CACNA2D1: variants seen among roughly 807,000 people sequenced by gnomAD.
CACNA2D1 encodes voltage-dependent calcium channel subunit alpha-2/delta-1.
In CACNA2D1, 53 loss-of-function variants were observed where a neutral mutation model predicts 171.5. The ratio of observed to expected loss-of-function variants is 0.31; its 90% confidence interval spans 0.25 to 0.39. The LOEUF is 0.39. Among genes scored for constraint, CACNA2D1 ranks in the 10% least tolerant of loss-of-function variants. CACNA2D1 has a pLI of 1.00. For missense variants in CACNA2D1, 903 were observed against 1,299.8 expected (o/e 0.69, Z 4.69); for synonymous variants, 442 against 443.1 (o/e 1.00, Z 0.03).
chr7:82,138,351 A>G (rs1192861124), intron 4 of CACNA2D1, among the ~76,000 whole-genome samples: 1 of 152,110 alleles, frequency 6.6e-6, no homozygotes, highest in African/African-American at 2.4e-5. Flanking sequence ...TTTGATTTTC[A>G]AAAGAATTAT....
At chr7:82,144,836 C>T (rs1792797391) in intron 4 of CACNA2D1, among the ~76,000 whole-genome samples, 1 of 151,902 alleles carries the variant, frequency 6.6e-6, no homozygotes, top group African/African-American at 2.4e-5. Flanking sequence ...TGATTGCATG[C>T]TTGAATATCA....
rs76956998 is a variant in CACNA2D1 at position 82,008,735 on chromosome 7, C to T, written c.1363-979G>A. Reference sequence around the variant, plus strand: ...CAGAACAGAGTTCTGGAATCAGAACCGAGTTCATAAAGTTGGATTTGGAAT... The same window carrying T: ...CAGAACAGAGTTCTGGAATCAGAACTGAGTTCATAAAGTTGGATTTGGAAT... On this transcript the variant is annotated intron_variant, in intron 15 of 38. Transcript: ENST00000356860. 8.9e-3 allele frequency among the ~76,000 whole-genome samples: 1,353 copies of T among 152,044 alleles called. 25 individuals carry two copies. The highest frequency in any genetic ancestry group is 0.031 in the African/African-American group (1,285 of 41,498).
At chr7:82,415,448 C>T (rs556854035) in intron 1 of CACNA2D1, among the ~76,000 whole-genome samples, 14 of 152,058 alleles carry the variant, frequency 9.2e-5, no homozygotes, top group African/African-American at 3.1e-4. Context: ...GCAGGAGAAT[C>T]ACTTGAACCC....
chr7:82,414,313 G>A (rs1472652045), intron 1 of CACNA2D1, among the ~76,000 whole-genome samples: 1 of 152,148 alleles, frequency 6.6e-6, no homozygotes, highest in Non-Finnish European at 1.5e-5. Flanking sequence ...CTAGAGAAGA[G>A]AGTGAATTTG....
At chr7:82,357,876 G>A (rs1178552068) in intron 1 of CACNA2D1, among the ~76,000 whole-genome samples, 2 of 148,242 alleles carry the variant, frequency 1.3e-5, no homozygotes, top group African/African-American at 5.0e-5. Context: ...AAAAAAAAAA[G>A]AGGGCTTGTT....
At chr7:82,052,213 A>C (rs1317414550) in intron 10 of CACNA2D1, among the ~76,000 whole-genome samples, 6 of 152,112 alleles carry the variant, frequency 3.9e-5, no homozygotes, top group African/African-American at 1.4e-4. Flanking sequence ...CTAAGGAAAA[A>C]TTACGGTCAA....
At chr7:82,046,510 C>T (rs1419369955) in intron 10 of CACNA2D1, among the ~76,000 whole-genome samples, 1 of 152,138 alleles carries the variant, frequency 6.6e-6, no homozygotes, top group Non-Finnish European at 1.5e-5. Context: ...CTAGTCCAGG[C>T]CTTGCCTCTA....
intron 3 of CACNA2D1, among the ~76,000 whole-genome samples, chr7:82,209,663 C>T (rs1800361754): frequency 6.6e-6 from 1 of 152,040 alleles, no homozygotes; most frequent in African/African-American, 2.4e-5. Flanking sequence ...GTATATATGC[C>T]AGGGAAGTTC....
At chr7:82,355,521 T>A (rs1029655107) in intron 1 of CACNA2D1, among the ~76,000 whole-genome samples, 1 of 152,148 alleles carries the variant, frequency 6.6e-6, no homozygotes, top group Non-Finnish European at 1.5e-5. Context: ...ATGGTACTTG[T>A]GAAAGAAAAC....
At chr7:81,990,256 T>G (rs2130730618) in intron 21 of CACNA2D1, among the ~76,000 whole-genome samples, 1 of 152,292 alleles carries the variant, frequency 6.6e-6, no homozygotes, top group African/African-American at 2.4e-5. Flanking sequence ...TTAGAAAATT[T>G]TATAGCAATG....
chr7:82,443,301 A>T, intron 1 of CACNA2D1, 64 bp downstream of exon 1: 1 of 1,419,580 alleles, frequency 7.0e-7, no homozygotes, highest in East Asian at 2.6e-5. Context: ...TCGGGAACCG[A>T]CCCCCACCCC....
chr7:82,347,830 T>C (rs1361191469), intron 2 of CACNA2D1, among the ~76,000 whole-genome samples: 2 of 146,994 alleles, frequency 1.4e-5, no homozygotes, highest in African/African-American at 5.4e-5. Flanking sequence ...TCTATTTTGT[T>C]ATGTTAATTC....
chr7:82,397,498 T>C (rs987792203), intron 1 of CACNA2D1, among the ~76,000 whole-genome samples: 2 of 152,184 alleles, frequency 1.3e-5, no homozygotes, highest in Admixed American at 6.5e-5. Context: ...TTCTTAACAA[T>C]ATTCATTTTG....
chr7:82,341,066 G>A (rs530185255), intron 2 of CACNA2D1, among the ~76,000 whole-genome samples: 156 of 152,176 alleles, frequency 1.0e-3, no homozygotes, highest in Middle Eastern at 6.8e-3. Flanking sequence ...TTGTCTGTGG[G>A]TTATACATTT....
chr7:82,199,097 T>C (rs1000701315), intron 3 of CACNA2D1, among the ~76,000 whole-genome samples: 3 of 152,178 alleles, frequency 2.0e-5, no homozygotes, highest in Admixed American at 2.0e-4. Context: ...TTGTGTCTCT[T>C]GTAATATCCA....
At chr7:82,180,809 G>A (rs1797041392) in intron 3 of CACNA2D1, among the ~76,000 whole-genome samples, 1 of 151,994 alleles carries the variant, frequency 6.6e-6, no homozygotes, top group South Asian at 2.1e-4. Flanking sequence ...AGGGAGCTCA[G>A]CTAGCAGGTG....
intron 3 of CACNA2D1, among the ~76,000 whole-genome samples, chr7:82,258,823 T>TTTTTC (rs1806671332): frequency 8.7e-6 from 1 of 115,368 alleles, no homozygotes; most frequent in Non-Finnish European, 1.7e-5. Flanking sequence ...TTTTCTTTTT[T>TTTTTC]TTTTTTTTTT....
chr7:82,201,102 ATG>A (rs1799383216), intron 3 of CACNA2D1, among the ~76,000 whole-genome samples: 1 of 152,202 alleles, frequency 6.6e-6, no homozygotes, highest in African/African-American at 2.4e-5. Flanking sequence ...CAAATAATAG[ATG>A]TGATACCACT....
chr7:82,178,492 T>G (rs1457635563), intron 3 of CACNA2D1, among the ~76,000 whole-genome samples: 1 of 152,100 alleles, frequency 6.6e-6, no homozygotes. Context: ...AATTACGTGT[T>G]GAACTTGTTG....
Sources: allele counts gnomAD v4.1 joint callset (sites outside exome capture counted in the v4.1 genomes callset), GRCh38; gene constraint gnomAD v4.1.1; transcripts MANE v1.5; gene names NCBI Gene and HGNC (gene_info 2026-07-23, HGNC 2026-07-21).